ADGRG2: variants seen among roughly 807,000 people sequenced by gnomAD.
ADGRG2 encodes G protein-coupled receptor 64.
Under a neutral mutation model 74.1 loss-of-function variants are expected in ADGRG2, and 26 were observed. The ratio of observed to expected loss-of-function variants is 0.35; its 90% CI spans 0.26 to 0.49. The LOEUF is 0.49. ADGRG2 is among the 20% of genes least tolerant of loss of function. The pLI is 0.99. For missense variants in ADGRG2, 619 were observed against 763.1 expected (o/e 0.81, Z 2.22); for synonymous variants, 296 against 295.2 (o/e 1.00, Z -0.03).
intron 3 of ADGRG2, among the ~76,000 whole-genome samples, chrX:19,051,557 C>A (rs1448969910): frequency 8.9e-6 from 1 of 112,000 alleles, no homozygotes. Flanking sequence ...GAACCTATGT[C>A]CCTTTCTCTT....
chrX:19,081,416 G>A (rs1178126552), intron 2 of ADGRG2, among the ~76,000 whole-genome samples: 1 of 111,463 alleles, frequency 9.0e-6, no homozygotes, highest in Non-Finnish European at 1.9e-5. Context: ...CATGGTTGGC[G>A]GTCATCTAGG....
At chrX:19,009,515 T>C (rs1003509565) in intron 18 of ADGRG2, 111 bp downstream of exon 18, 3 of 732,158 alleles carry the variant, frequency 4.1e-6, no homozygotes, top group Non-Finnish European at 4.3e-6. Flanking sequence ...ATGCCAAATA[T>C]TTTGAATATC....
At chrX:19,035,788 C>G in intron 7 of ADGRG2, 154 bp downstream of exon 7, 1 of 364,087 alleles carries the variant, frequency 2.7e-6, no homozygotes. Context: ...AGTTCAATGT[C>G]AAAGTCAAAG....
intron 3 of ADGRG2, among the ~76,000 whole-genome samples, chrX:19,050,779 C>T (rs2061305192): frequency 9.0e-6 from 1 of 111,702 alleles, no homozygotes; most frequent in Non-Finnish European, 1.9e-5. Flanking sequence ...CTGATCATTT[C>T]AACCTGGGCA....
At chrX:19,112,352 C>T (rs886719457) in intron 1 of ADGRG2, among the ~76,000 whole-genome samples, 1 of 110,865 alleles carries the variant, frequency 9.0e-6, no homozygotes, top group South Asian at 3.8e-4. Flanking sequence ...GGATTACAGG[C>T]GTGAGCCACC....
Position 18,994,902 on chromosome X carries a change from C to T in ADGRG2, c.2863G>A (p.Gly955Arg), listed in dbSNP as rs749784528. Residue 955 changes from glycine to arginine, a missense_variant, in exon 28 of 29, where the codon GGG (glycine) becomes AGG (arginine). Coordinates refer to ENST00000379869, the MANE Select transcript of ADGRG2 (RefSeq NM_001079858.3). ...VNNDCSVHAS[G>R]NGNASTERNG... Reference sequence around the variant, plus strand: ...TATATTGAGACATACATACCATTCCCGCTTGCGTGTACTGAGCAATCATTA... The same window carrying T: ...TATATTGAGACATACATACCATTCCTGCTTGCGTGTACTGAGCAATCATTA... 39 of 1,191,643 alleles carry T rather than the reference C, an allele frequency of 3.3e-5. No individual in the cohort carries two copies. The highest frequency in any genetic ancestry group is 4.0e-5 in the Non-Finnish European group (35 of 883,461).
chrX:19,019,868 A>AT (rs1455785035), intron 14 of ADGRG2, among the ~76,000 whole-genome samples: 2 of 111,895 alleles, frequency 1.8e-5, no homozygotes, highest in Admixed American at 1.9e-4. Flanking sequence ...ATATTTATTG[A>AT]TTTTTTGGGG....
intron 3 of ADGRG2, among the ~76,000 whole-genome samples, chrX:19,063,678 G>A (rs1012177136): frequency 8.9e-6 from 1 of 112,057 alleles, no homozygotes; most frequent in African/African-American, 3.2e-5. Context: ...ACCGCACACT[G>A]CAAGGACTCA....
intron 26 of ADGRG2, among the ~76,000 whole-genome samples, chrX:18,998,346 CA>C (rs1183903184): frequency 5.4e-5 from 6 of 110,596 alleles, no homozygotes; most frequent in African/African-American, 1.3e-4. Context: ...TAAAAGAAAC[CA>C]AGTGAAGGAA....
intron 15 of ADGRG2, among the ~76,000 whole-genome samples, chrX:19,015,380 A>ATATGGGTGAG (rs2060446937): frequency 8.9e-6 from 1 of 112,376 alleles, no homozygotes; most frequent in African/African-American, 3.2e-5. Context: ...GGTTCGGGGC[A>ATATGGGTGAG]GTGAGGATAA....
intron 3 of ADGRG2, among the ~76,000 whole-genome samples, chrX:19,046,064 T>G (rs886497748): frequency 9.0e-6 from 1 of 110,637 alleles, no homozygotes; most frequent in Non-Finnish European, 1.9e-5. Flanking sequence ...TTAAAAAATT[T>G]TTTCAGAAAT....
chrX:19,037,234 A>T (rs2060960298), intron 6 of ADGRG2, among the ~76,000 whole-genome samples: 1 of 112,091 alleles, frequency 8.9e-6, no homozygotes, highest in Non-Finnish European at 1.9e-5. Context: ...TTTTATTTTT[A>T]GCTAACAATT....
chrX:19,019,573 G>A, intron 15 of ADGRG2, 26 bp downstream of exon 15: 1 of 757,395 alleles, frequency 1.3e-6, no homozygotes, highest in South Asian at 2.4e-5. Context: ...TTTTTAAGGA[G>A]AAGGGTCAGC....
intron 11 of ADGRG2, among the ~76,000 whole-genome samples, chrX:19,024,818 T>C (rs1309670547): frequency 8.9e-6 from 1 of 112,636 alleles, no homozygotes. Flanking sequence ...CAATAGCTGC[T>C]AACTCCTCAA....
intron 3 of ADGRG2, 48 bp from the exon 4 acceptor site, chrX:19,040,272 A>T: frequency 1.2e-6 from 1 of 852,465 alleles, no homozygotes; most frequent in Non-Finnish European, 1.7e-6. Context: ...GAGGACTAAA[A>T]TCAATAAAAT....
intron 3 of ADGRG2, among the ~76,000 whole-genome samples, chrX:19,061,737 T>C (rs1383221129): frequency 8.9e-6 from 1 of 112,191 alleles, no homozygotes; most frequent in African/African-American, 3.2e-5. Flanking sequence ...GTTAACCCAA[T>C]GACTTGTGAA....
chrX:19,078,468 G>T (rs1033742201), intron 2 of ADGRG2, among the ~76,000 whole-genome samples: 9 of 110,890 alleles, frequency 8.1e-5, no homozygotes, highest in Non-Finnish European at 1.7e-4. Context: ...GAGGCAAGAG[G>T]ATCGCTTGAG....
intron 3 of ADGRG2, among the ~76,000 whole-genome samples, chrX:19,062,429 G>T (rs967005986): frequency 1.8e-5 from 2 of 112,071 alleles, no homozygotes; most frequent in African/African-American, 6.5e-5. Context: ...GCTAGGGAAA[G>T]AGCCAGGGTC....
At chrX:19,116,455 G>A (rs962944759) in intron 1 of ADGRG2, among the ~76,000 whole-genome samples, 5 of 96,438 alleles carry the variant, frequency 5.2e-5, no homozygotes, top group Non-Finnish European at 8.0e-5. Context: ...AGGTTACAGT[G>A]AGCCAAGATC....
Sources: allele counts gnomAD v4.1 joint callset (sites outside exome capture counted in the v4.1 genomes callset), GRCh38; gene constraint gnomAD v4.1.1; transcripts MANE v1.5; gene names NCBI Gene and HGNC (gene_info 2026-07-23, HGNC 2026-07-21).